Variants in TRMT5 observed in about 807,000 individuals in gnomAD.
TRMT5 encodes tRNA (guanine(37)-N(1))-methyltransferase.
In TRMT5, 31 loss-of-function variants were observed where a neutral mutation model predicts 42.2. That is an observed-to-expected ratio of 0.73 (90% CI 0.55 to 0.99). TRMT5 has a LOEUF of 0.99. TRMT5 is among the 50% of genes least tolerant of loss of function. TRMT5 has a pLI of 0.00. For synonymous variants in TRMT5, 198 were observed against 209.6 expected (o/e 0.94, Z 0.48); for missense variants, 568 against 595.0 (o/e 0.95, Z 0.47).
In TRMT5 at chr14:60,979,405, T is replaced by A. The variant is rs920515583; in HGVS notation, c.493A>T (p.Ser165Cys). 4 of 1,614,032 alleles carry A rather than the reference T, an allele frequency of 2.5e-6. No homozygotes were observed. Among genetic ancestry groups the A allele is most frequent in the Non-Finnish European group, 2.5e-6 (3 of 1,180,028 alleles). The change falls in exon 2 of 5, where the codon AGT (serine) becomes TGT (cysteine). Residue 165 changes from serine (S) to cysteine (C), a missense_variant. Physicochemically the swap from Ser to Cys is moderately radical, Grantham distance 112. Coordinates refer to ENST00000261249, the MANE Select transcript of TRMT5 (RefSeq NM_020810.3). ...AAATTGTATTTAGAGATCTGTGGAC[T>A]GACATTAAGCTGCTCTAAAACACTG... The part of the protein sequence containing the change: ...ELSVLEQLNV[S>C]PQISKYNLEL...
chr14:60,981,497 T>G, upstream of TRMT5: 1 of 1,535,698 alleles, frequency 6.5e-7, no homozygotes, highest in Non-Finnish European at 8.7e-7. Flanking sequence ...TGCTGGAGCC[T>G]GAACCCTGGG....
chr14:60,976,098 A>G lies in TRMT5; in HGVS notation c.821T>C (p.Phe274Ser). The change falls in exon 4 of 5, where the codon TTT becomes TCT. Residue 274 changes from phenylalanine (F) to serine (S), a missense_variant. By Grantham distance (155) the Phe-to-Ser change is radical. Coordinates refer to ENST00000261249, the MANE Select transcript of TRMT5 (RefSeq NM_020810.3). ...KVRENNYTYE[F>S]DFSKVYWNPR... ...ATTCCAATAGACTTTTGAAAAATCA[A>G]ATTCATAGGTGTAGTTGTTTTCTCG... 2 of 1,610,254 alleles carry G rather than the reference A, an allele frequency of 1.2e-6. No individual in the cohort carries two copies. Among genetic ancestry groups the G allele is most frequent in the Non-Finnish European group, 1.7e-6 (2 of 1,178,322 alleles).
chr14:60,981,507 G>C, upstream of TRMT5: 1 of 1,535,200 alleles, frequency 6.5e-7, no homozygotes, highest in South Asian at 1.2e-5. Flanking sequence ...TGAACCCTGG[G>C]GGATGGGGTC....
At chr14:60,981,613 T>A, upstream of TRMT5, 1 of 1,477,236 alleles carries the variant, frequency 6.8e-7, no homozygotes, top group Non-Finnish European at 9.0e-7. Flanking sequence ...AAGCGTCGGG[T>A]GGAAGAGATG....
chr14:60,976,980 T>C (rs1258961800), intron 3 of TRMT5, among the ~76,000 whole-genome samples: 1 of 152,160 alleles, frequency 6.6e-6, no homozygotes, highest in Non-Finnish European at 1.5e-5. Context: ...ATCTCATAGA[T>C]AGATACATCT....
chr14:60,974,998 C>G lies in TRMT5; in HGVS notation c.*111G>C, dbSNP rs939984365. On this transcript the variant is annotated 3_prime_UTR_variant, in exon 5 of 5. Transcript: ENST00000261249. ...GTAATCCTCAATTTGTAAAATAAGG[C>G]AAAGTACAAGGGTTCAATAGTAAAA... is the stretch of plus-strand genomic sequence containing the variant. The G allele has an allele frequency of 1.3e-5, 9 of 701,544 alleles. No individual in the cohort carries two copies. Among genetic ancestry groups the G allele is most frequent in the African/African-American group, 9.3e-5 (5 of 53,922 alleles). 43.5% of individuals were successfully genotyped at this position (701,544 alleles called of 1,614,324 possible).
rs1351025365 is a variant in TRMT5 at position 60,972,888 on chromosome 14, T to G, written c.*2221A>C. The G allele has an allele frequency of 6.6e-6, 1 of 152,620 alleles. No individual in the cohort carries two copies. Among genetic ancestry groups the G allele is most frequent in the East Asian group, 1.9e-4 (1 of 5,206 alleles). 9.5% of individuals were successfully genotyped at this position (152,620 alleles called of 1,614,324 possible). On this transcript the variant is annotated 3_prime_UTR_variant, in exon 5 of 5. Transcript: ENST00000261249. ...ATCACTTGGAAAGCATTTGTAAAAT[T>G]CTTTTACATTTCTTCCCTTGAAATT...
intron 1 of TRMT5, chr14:60,980,728 C>G (rs2036950495): frequency 3.2e-6 from 2 of 628,470 alleles, no homozygotes; most frequent in South Asian, 4.1e-5. Context: ...AGCAGCTGAC[C>G]AGCTGGGTGA....
In TRMT5 at chr14:60,972,490, G is replaced by A; in HGVS notation, c.*2619C>T. The A allele has an allele frequency of 2.1e-6, 1 of 475,878 alleles. No homozygotes were observed. Among genetic ancestry groups the A allele is most frequent in the South Asian group, 1.5e-5 (1 of 65,498 alleles). 29.5% of individuals were successfully genotyped at this position (475,878 alleles called of 1,614,324 possible). A position where few individuals can be genotyped will look rare whatever the true frequency, so the allele number is the denominator to read the frequency against. Reference sequence around the variant, plus strand: ...ATGGCGGCGGCGGCGGCGGCGGGATGTGGGCACCGGGTGTGGGACGCAGCA... The same window carrying A: ...ATGGCGGCGGCGGCGGCGGCGGGATATGGGCACCGGGTGTGGGACGCAGCA... On this transcript the variant is annotated 3_prime_UTR_variant, in exon 5 of 5. Coordinates refer to ENST00000261249, the MANE Select transcript of TRMT5 (RefSeq NM_020810.3).
chr14:60,980,332 T>C (rs931722853), intron 1 of TRMT5, among the ~76,000 whole-genome samples: 1 of 152,236 alleles, frequency 6.6e-6, no homozygotes, highest in Admixed American at 6.5e-5. Flanking sequence ...ATGTACATTA[T>C]GAATCTTGGG....
Position 60,971,940 on chromosome 14 carries a change from T to C in TRMT5, c.*3169A>G. The C allele has an allele frequency of 4.3e-6, 1 of 232,362 alleles. No homozygotes were observed. The highest frequency in any genetic ancestry group is 8.4e-6 in the Non-Finnish European group (1 of 118,448). 14.4% of individuals were successfully genotyped at this position (232,362 alleles called of 1,614,324 possible). A position where few individuals can be genotyped will look rare whatever the true frequency, so the allele number is the denominator to read the frequency against. On this transcript the variant is annotated 3_prime_UTR_variant, in exon 5 of 5. Coordinates refer to ENST00000261249, the MANE Select transcript of TRMT5 (RefSeq NM_020810.3). ...ACATAAAAACGAATTTGTTTTTCCA[T>C]ACCACAAGGCTTTTGTGCCAAGGTG...
rs150331452 is a variant in TRMT5 at position 60,975,949 on chromosome 14, A to G, written c.970T>C (p.Phe324Leu). Residue 324 changes from phenylalanine (F) to leucine (L), a missense_variant, in exon 4 of 5, where the codon TTT becomes CTT. Coordinates refer to ENST00000261249, the MANE Select transcript of TRMT5 (RefSeq NM_020810.3). ...IPVAKKNCTV[F>L]ANDLNPESHK... The stretch of plus-strand genomic sequence containing the variant: ...GATTCAGGATTGAGATCATTGGCAA[A>G]TACAGTGCAGTTTTTCTTTGCTACT... 2 of 1,614,084 alleles carry G rather than the reference A, an allele frequency of 1.2e-6. No individual in the cohort carries two copies. The highest frequency in any genetic ancestry group is 1.7e-6 in the Non-Finnish European group (2 of 1,180,042).
chr14:60,978,889 T>C (rs2036880990), intron 2 of TRMT5, among the ~76,000 whole-genome samples: 1 of 152,212 alleles, frequency 6.6e-6, no homozygotes, highest in African/African-American at 2.4e-5. Context: ...CCCAAATTTA[T>C]GAAACCTAGT....
Position 60,975,266 on chromosome 14 carries a change from A to G in TRMT5, c.1445-72T>C, listed in dbSNP as rs952668422. 2.1e-6 allele frequency: 3 copies of G among 1,396,738 alleles called. No homozygotes were observed. The East Asian group carries it at 7.0e-5, about 33-fold the overall frequency. The allele number at this position is 1,396,738 out of a possible 1,614,324, so 86.5% of individuals were successfully genotyped here. A position where few individuals can be genotyped will look rare whatever the true frequency, so the allele number is the denominator to read the frequency against. On this transcript the variant is annotated intron_variant, in intron 4 of 4. Transcript: ENST00000261249. ...GAAAATACTCTTAAAAAAACAAACA[A>G]TATAGGCATTTTTAATCTAGTCAAC... is the stretch of plus-strand genomic sequence containing the variant.
chr14:60,977,465 T>G, intron 3 of TRMT5, 49 bp downstream of exon 3: 1 of 1,546,528 alleles, frequency 6.5e-7, no homozygotes. Context: ...CTATTCTGAC[T>G]CTAAACATAA....
At chr14:60,978,688 T>A (rs1009762580) in intron 2 of TRMT5, among the ~76,000 whole-genome samples, 3 of 152,172 alleles carry the variant, frequency 2.0e-5, no homozygotes, top group Non-Finnish European at 4.4e-5. Context: ...AGACTTGACA[T>A]TTGTACCCAG....
chr14:60,981,038 C>A lies in TRMT5; in HGVS notation c.-65G>T. 4 of 1,609,944 alleles carry A rather than the reference C, an allele frequency of 2.5e-6. No individual in the cohort carries two copies. Among genetic ancestry groups the A allele is most frequent in the Non-Finnish European group, 3.4e-6 (4 of 1,180,002 alleles). The stretch of plus-strand genomic sequence containing the variant: ...CGACCCCTCACCTCCCGCTCCGGTA[C>A]CGATCGGATGTGGGTCGCGGGTGGA... On this transcript the variant is annotated 5_prime_UTR_variant, in exon 1 of 5. Transcript: ENST00000261249.
At chr14:60,977,222 T>C (rs1430872208) in intron 3 of TRMT5, among the ~76,000 whole-genome samples, 1 of 152,228 alleles carries the variant, frequency 6.6e-6, no homozygotes, top group African/African-American at 2.4e-5. Context: ...TCACTTATAT[T>C]GCTTTCTGGC....
At chr14:60,980,896 G>A (rs1004945665) in intron 1 of TRMT5, 67 bp downstream of exon 1, 2 of 1,609,758 alleles carry the variant, frequency 1.2e-6, no homozygotes, top group Non-Finnish European at 1.7e-6. Flanking sequence ...GCACATGGCA[G>A]AGAGCAGCCC....
Sources: gnomAD v4.1 joint callset for allele counts (sites outside exome capture counted in the v4.1 genomes callset) on GRCh38, gnomAD v4.1.1 for gene constraint, MANE v1.5 for transcripts, NCBI Gene and HGNC (gene_info 2026-07-23, HGNC 2026-07-21) for gene names.